CENPP: variants seen among roughly 807,000 people sequenced by gnomAD.
CENPP encodes the protein centromere protein P.
Under a neutral mutation model 35.6 loss-of-function variants are expected in CENPP, and 24 were observed. That is an observed-to-expected ratio of 0.67 (90% CI 0.49 to 0.95). The LOEUF is 0.95. CENPP is among the 40% of genes least tolerant of loss of function. The pLI is 0.00. For missense variants in CENPP, 332 were observed against 345.3 expected, an observed-to-expected ratio of 0.96 and a Z score of 0.31; for synonymous variants, 120 against 125.5, an observed-to-expected ratio of 0.96 and a Z score of 0.29.
intron 5 of CENPP, among the ~76,000 whole-genome samples, chr9:92,406,402 A>T (rs1843310023): frequency 6.6e-6 from 1 of 152,154 alleles, no homozygotes; most frequent in East Asian, 1.9e-4. Flanking sequence ...TAAGCCAGTG[A>T]TGGCTTAAAT....
rs199966743 is a variant in CENPP at position 92,532,033 on chromosome 9, TA to T, written c.565-79280del. ...ATTTAATGTTTTTTTTTTTTTATTT[TA>T]TTTTTTTTTTGAGATGAGGTCTCAC... On this transcript the variant is annotated intron_variant, in intron 5 of 7. Coordinates refer to ENST00000375587, the MANE Select transcript of CENPP (RefSeq NM_001012267.3). Among the ~76,000 whole-genome samples the T allele has an allele frequency of 1.2e-3, 162 of 131,262 alleles. 30 individuals carry two copies. Among genetic ancestry groups the T allele is most frequent in the African/African-American group, 2.3e-3 (73 of 31,084 alleles). 86.1% of individuals were successfully genotyped at this position (131,262 alleles called of 152,430 possible).
intron 4 of CENPP, among the ~76,000 whole-genome samples, chr9:92,377,328 G>A (rs1054836377): frequency 3.3e-5 from 5 of 152,166 alleles, no homozygotes; most frequent in African/African-American, 1.2e-4. Flanking sequence ...CTGAAATGCA[G>A]TCAGACCCCT....
chr9:92,473,942 C>T (rs887719200), intron 5 of CENPP, among the ~76,000 whole-genome samples: 7 of 152,216 alleles, frequency 4.6e-5, no homozygotes, highest in African/African-American at 1.7e-4. Context: ...TGTGCCAGAC[C>T]TTGGCCTCCA....
At chr9:92,530,099 CTACACCATTT>C (rs1402617613) in intron 5 of CENPP, among the ~76,000 whole-genome samples, 1 of 152,060 alleles carries the variant, frequency 6.6e-6, no homozygotes, top group Non-Finnish European at 1.5e-5. Flanking sequence ...TATGCAAATA[CTACACCATTT>C]TATATAAGGA....
At chr9:92,358,000 C>CTCTTTG (rs1309600802) in intron 4 of CENPP, among the ~76,000 whole-genome samples, 2 of 152,084 alleles carry the variant, frequency 1.3e-5, no homozygotes, top group Admixed American at 6.6e-5. Flanking sequence ...AAGATATTCT[C>CTCTTTG]TCTTTGTCTT....
chr9:92,328,357 T>C (rs1193609261), intron 1 of CENPP, among the ~76,000 whole-genome samples: 1 of 152,134 alleles, frequency 6.6e-6, no homozygotes, highest in African/African-American at 2.4e-5. Context: ...GGTAGGAAAA[T>C]TGGAGCTAAA....
intron 5 of CENPP, among the ~76,000 whole-genome samples, chr9:92,429,170 A>G (rs1189333046): frequency 6.6e-6 from 1 of 152,112 alleles, no homozygotes. Context: ...AGTACCCTCC[A>G]ATGTGCATCT....
At chr9:92,406,815 C>T (rs193097073) in intron 5 of CENPP, among the ~76,000 whole-genome samples, 1 of 152,256 alleles carries the variant, frequency 6.6e-6, no homozygotes, top group East Asian at 1.9e-4. Context: ...AAGGGCAGCT[C>T]ACAACATTGC....
chr9:92,604,543 G>C (rs2131390916), intron 5 of CENPP, among the ~76,000 whole-genome samples: 1 of 152,194 alleles, frequency 6.6e-6, no homozygotes, highest in Admixed American at 6.5e-5. Context: ...AAGCCAGTCT[G>C]TCAATTAGCT....
intron 1 of CENPP, among the ~76,000 whole-genome samples, chr9:92,329,645 C>T (rs547024180): frequency 2.0e-5 from 3 of 152,178 alleles, no homozygotes; most frequent in East Asian, 1.9e-4. Context: ...CTCAAGCAAT[C>T]GTCCTGCCTC....
intron 4 of CENPP, among the ~76,000 whole-genome samples, chr9:92,364,456 T>G (rs1841837931): frequency 6.6e-6 from 1 of 152,076 alleles, no homozygotes; most frequent in Non-Finnish European, 1.5e-5. Flanking sequence ...ACTGTTTTGG[T>G]TCTTTGGGTT....
chr9:92,490,389 A>G (rs1476819759), intron 5 of CENPP, among the ~76,000 whole-genome samples: 1 of 152,138 alleles, frequency 6.6e-6, no homozygotes, highest in Non-Finnish European at 1.5e-5. Context: ...CTGGGCAGAA[A>G]CTTCTTTTCA....
At chr9:92,380,554 A>G (rs1021222519) in intron 5 of CENPP, among the ~76,000 whole-genome samples, 1 of 148,330 alleles carries the variant, frequency 6.7e-6, no homozygotes, top group Non-Finnish European at 1.5e-5. Context: ...ACTCTCCTTT[A>G]TTTGGGGTTC....
At chr9:92,600,515 G>C in intron 5 of CENPP, 10 of 1,612,872 alleles carry the variant, frequency 6.2e-6, no homozygotes, top group Non-Finnish European at 8.5e-6. Context: ...TGAGGTAAGT[G>C]CTGAGGGCTG....
At chr9:92,415,297 T>G (rs1279873297) in intron 5 of CENPP, 1 of 1,613,752 alleles carries the variant, frequency 6.2e-7, no homozygotes, top group South Asian at 1.1e-5. Flanking sequence ...TGTCTTTAGT[T>G]GTATTGTTTG....
At chr9:92,512,165 T>C in intron 5 of CENPP, 1 of 1,410,424 alleles carries the variant, frequency 7.1e-7, no homozygotes, top group South Asian at 1.2e-5. Flanking sequence ...CATGTGTGCA[T>C]ATACATACAT....
intron 5 of CENPP, chr9:92,414,913 GT>G: frequency 3.1e-6 from 1 of 320,556 alleles, no homozygotes; most frequent in Non-Finnish European, 5.6e-6. Flanking sequence ...AACCATTAAC[GT>G]TTAATTTATG....
At chr9:92,392,837 T>C (rs1254592697) in intron 5 of CENPP, among the ~76,000 whole-genome samples, 2 of 152,222 alleles carry the variant, frequency 1.3e-5, no homozygotes, top group Non-Finnish European at 2.9e-5. Context: ...GAAGATATAG[T>C]TGCCCATATG....
intron 5 of CENPP, among the ~76,000 whole-genome samples, chr9:92,402,603 T>G (rs1843162549): frequency 6.6e-6 from 1 of 152,202 alleles, no homozygotes; most frequent in African/African-American, 2.4e-5. Context: ...ATGAATGATG[T>G]GGTATAACGT....
Sources: allele counts gnomAD v4.1 joint callset (sites outside exome capture counted in the v4.1 genomes callset), GRCh38; gene constraint gnomAD v4.1.1; transcripts MANE v1.5; gene names NCBI Gene and HGNC (gene_info 2026-07-23, HGNC 2026-07-21).